The following PCDHGA2 variants were observed in gnomAD, a reference collection of about 807,000 sequenced individuals.
PCDHGA2 encodes the protein protocadherin gamma-A2.
In PCDHGA2, 40 loss-of-function variants were observed where a neutral mutation model predicts 59.2. The ratio of observed to expected loss-of-function variants is 0.68; its 90% CI spans 0.52 to 0.88. The LOEUF (loss-of-function observed/expected upper bound fraction) is 0.88. Among genes scored for constraint, PCDHGA2 ranks in the 40% least tolerant of loss-of-function variants. PCDHGA2 has a pLI of 0.00. For synonymous variants in PCDHGA2, 560 were observed against 526.0 expected (o/e 1.06, Z -0.89); for missense variants, 1,226 against 1,204.0 (o/e 1.02, Z -0.27).
At chr5:141,444,152 A>ATTTTTTTTTTTT (rs747671382) in intron 1 of PCDHGA2, among the ~76,000 whole-genome samples, 4 of 33,898 alleles carry the variant, frequency 1.2e-4, no homozygotes, top group Admixed American at 3.9e-4. Flanking sequence ...TGTGTACTGG[A>ATTTTTTTTTTTT]TTTTTTTTTT....
At chr5:141,373,389 A>G (rs1769537538) in intron 1 of PCDHGA2, among the ~76,000 whole-genome samples, 1 of 152,210 alleles carries the variant, frequency 6.6e-6, no homozygotes, top group South Asian at 2.1e-4. Context: ...GTGTTTGTGT[A>G]GCATATGCCT....
intron 1 of PCDHGA2, chr5:141,371,230 A>G: frequency 6.2e-7 from 1 of 1,614,038 alleles, no homozygotes; most frequent in Non-Finnish European, 8.5e-7. Flanking sequence ...GAAATCATCT[A>G]TGCCTTCATC....
intron 1 of PCDHGA2, among the ~76,000 whole-genome samples, chr5:141,461,345 G>A (rs1277222105): frequency 1.3e-5 from 2 of 152,102 alleles, no homozygotes; most frequent in African/African-American, 4.8e-5. Context: ...CAGGACCAAG[G>A]TGGTAGCTCG....
Position 141,485,220 on chromosome 5 carries a change from C to T in PCDHGA2, c.2425-9587C>T. The T allele has an allele frequency of 6.2e-7, 1 of 1,614,192 alleles. No homozygotes were observed. The highest frequency in any genetic ancestry group is 8.5e-7 in the Non-Finnish European group (1 of 1,180,024). On this transcript the variant is annotated intron_variant, in intron 1 of 3. Transcript: ENST00000394576. This position sits in a 1 kb window ranked among gnomAD's most constrained non-coding sequence, Gnocchi z 5.7. ...TGGACAGAAATCTGGCGGTGGGCTA[C>T]CCTTTTGTTCCTCTTTTACCACCTG... is the stretch of plus-strand genomic sequence containing the variant.
At position 141,431,684 on chromosome 5, in the gene PCDHGA2, C is replaced by A. The variant is rs1017231854; in HGVS notation, c.2425-63123C>A. On this transcript the variant is annotated intron_variant, in intron 1 of 3. Transcript: ENST00000394576. This position sits in a 1 kb window ranked among gnomAD's most constrained non-coding sequence, Gnocchi z 4.8. Reference sequence around the variant, plus strand: ...AATATCAACAATAGGGGAGTTGGACCACGAGGAGTCAGGATTCTACCAGAT... The same window carrying A: ...AATATCAACAATAGGGGAGTTGGACAACGAGGAGTCAGGATTCTACCAGAT... The A allele has an allele frequency of 1.9e-6, 3 of 1,614,186 alleles. No homozygotes were observed. Among genetic ancestry groups the A allele is most frequent in the Admixed American group, 1.7e-5 (1 of 60,032 alleles).
intron 1 of PCDHGA2, among the ~76,000 whole-genome samples, chr5:141,347,606 G>A (rs1200705948): frequency 6.6e-6 from 1 of 152,068 alleles, no homozygotes; most frequent in Non-Finnish European, 1.5e-5. Context: ...GGCCAACATG[G>A]TGAAAGCCTG....
At chr5:141,385,132 G>A (rs763210124) in intron 1 of PCDHGA2, 9 of 1,614,208 alleles carry the variant, frequency 5.6e-6, no homozygotes, top group Middle Eastern at 1.6e-4. Flanking sequence ...GGGCATGGAC[G>A]GGGTGCAGGC....
intron 2 of PCDHGA2, among the ~76,000 whole-genome samples, chr5:141,499,133 T>C (rs1443866975): frequency 6.6e-6 from 1 of 152,184 alleles, no homozygotes; most frequent in East Asian, 1.9e-4. Context: ...GGTCATCCTT[T>C]GGGTGTCTGA....
intron 1 of PCDHGA2, chr5:141,389,566 T>G: frequency 6.2e-7 from 1 of 1,613,278 alleles, no homozygotes; most frequent in Non-Finnish European, 8.5e-7. Context: ...CCACGGGTGC[T>G]GTACCCCGCG....
chr5:141,397,353 AG>A (rs556761818), intron 1 of PCDHGA2, among the ~76,000 whole-genome samples: 31 of 152,340 alleles, frequency 2.0e-4, no homozygotes, highest in Non-Finnish European at 2.9e-4. Flanking sequence ...TAATATAGTC[AG>A]GAAGAGGAGA....
At chr5:141,423,508 A>G (rs962526072) in intron 1 of PCDHGA2, 2 of 1,613,860 alleles carry the variant, frequency 1.2e-6, no homozygotes, top group African/African-American at 2.7e-5. Context: ...GGTCTCTCTC[A>G]TTGCGGACTC....
intron 1 of PCDHGA2, chr5:141,371,296 T>A: frequency 6.2e-7 from 1 of 1,614,000 alleles, no homozygotes; most frequent in Non-Finnish European, 8.5e-7. Flanking sequence ...ACGGGGGAAC[T>A]CACCACTATT....
At chr5:141,419,151 C>T (rs2096335413) in intron 1 of PCDHGA2, 2 of 1,613,800 alleles carry the variant, frequency 1.2e-6, no homozygotes, top group African/African-American at 2.7e-5. Context: ...GGCAAGCCTC[C>T]GTTATCCTCC....
At chr5:141,469,438 G>T (rs2099201339) in intron 1 of PCDHGA2, among the ~76,000 whole-genome samples, 1 of 152,112 alleles carries the variant, frequency 6.6e-6, no homozygotes, top group African/African-American at 2.4e-5. Flanking sequence ...AGCTGGGCGT[G>T]GTGGTGCACA....
chr5:141,420,199 C>T (rs764130526), intron 1 of PCDHGA2: 12 of 1,613,362 alleles, frequency 7.4e-6, no homozygotes, highest in Non-Finnish European at 1.0e-5. Context: ...CACAAGATAA[C>T]CTCAACAAAG....
chr5:141,350,934 T>G (rs1168998921), intron 1 of PCDHGA2: 13 of 1,613,984 alleles, frequency 8.1e-6, no homozygotes, highest in Non-Finnish European at 1.0e-5. Flanking sequence ...ACCACCCATA[T>G]CTGGATCCGA....
At chr5:141,364,725 G>T (rs775854228) in intron 1 of PCDHGA2, 4 of 1,613,828 alleles carry the variant, frequency 2.5e-6, no homozygotes, top group African/African-American at 1.3e-5. Context: ...AACTTCCCGC[G>T]TTTCCGGGAT....
intron 1 of PCDHGA2, chr5:141,374,655 A>T (rs1490179096): frequency 2.2e-5 from 36 of 1,611,798 alleles, no homozygotes; most frequent in Non-Finnish European, 3.1e-5. Flanking sequence ...GGGCCCAAGT[A>T]CCCGGAGCTG....
intron 1 of PCDHGA2, among the ~76,000 whole-genome samples, chr5:141,455,253 C>T (rs187877877): frequency 6.6e-6 from 1 of 151,986 alleles, no homozygotes; most frequent in East Asian, 1.9e-4. Flanking sequence ...ATAGTACAAT[C>T]GCATTTCTTC....
Sources: allele counts gnomAD v4.1 joint callset (sites outside exome capture counted in the v4.1 genomes callset), GRCh38; gene constraint gnomAD v4.1.1; non-coding constraint Gnocchi (gnomAD v3.1); transcripts MANE v1.5; gene names NCBI Gene and HGNC (gene_info 2026-07-23, HGNC 2026-07-21).